TLR5: variants seen among roughly 807,000 people sequenced by gnomAD.
TLR5 encodes toll like receptor 5.
For synonymous variants in TLR5, 373 were observed against 384.4 expected (o/e 0.97, Z 0.35); for missense variants, 944 against 999.8 (o/e 0.94, Z 0.75).
chr1:223,115,924 G>A (rs760169775), intron 5 of TLR5, among the ~76,000 whole-genome samples: 7 of 152,166 alleles, frequency 4.6e-5, no homozygotes, highest in South Asian at 4.1e-4. Context: ...CACATGGTAC[G>A]CATTCCAAAC....
chr1:223,113,307 G>A (rs1656465543), intron 5 of TLR5, among the ~76,000 whole-genome samples: 1 of 152,096 alleles, frequency 6.6e-6, no homozygotes, highest in South Asian at 2.1e-4. Context: ...CCGGGTTCAA[G>A]CCATCCTTCC....
chr1:223,111,548 C>G lies in TLR5; in HGVS notation c.1484G>C (p.Trp495Ser). Residue 495 changes from tryptophan to serine, a missense_variant, in exon 6 of 6, where the codon TGG (tryptophan) becomes TCG (serine). Coordinates refer to ENST00000642603, the MANE Select transcript of TLR5 (RefSeq NM_003268.6). ...ATGAGAAAGTCCCTCAAAAACATCC[C>G]AACAGAGCTCAGTTTCCCAGGCAAG... ...LQLAWETELC[W>S]DVFEGLSHLQ... 6.2e-7 allele frequency: 1 copy of G among 1,614,110 alleles called. No individual in the cohort carries two copies. The highest frequency in any genetic ancestry group is 8.5e-7 in the Non-Finnish European group (1 of 1,180,026).
At position 223,110,657 on chromosome 1, in the gene TLR5, A is replaced by G. The variant is rs368649518; in HGVS notation, c.2375T>C (p.Val792Ala). The G allele has an allele frequency of 1.2e-6, 2 of 1,614,184 alleles. No individual in the cohort carries two copies. Among genetic ancestry groups the G allele is most frequent in the Non-Finnish European group, 1.7e-6 (2 of 1,180,018 alleles). ...DLNSALIMVV[V>A]GSLSQYQLMK... ...CAACTGGTACTGGGACAAGGACCCA[A>G]CCACCACCATGATGAGAGCACTGTT... is the stretch of plus-strand genomic sequence containing the variant. The change falls in exon 6 of 6, where the codon GTT becomes GCT. Residue 792 changes from valine to alanine, a missense_variant. Val to Ala is a moderately conservative substitution (Grantham distance 64). Coordinates refer to ENST00000642603, the MANE Select transcript of TLR5 (RefSeq NM_003268.6).
intron 1 of TLR5, among the ~76,000 whole-genome samples, chr1:223,142,742 T>C (rs1657933943): frequency 6.6e-6 from 1 of 152,280 alleles, no homozygotes; most frequent in Admixed American, 6.5e-5. Flanking sequence ...TCAGTGACTT[T>C]CTGGGATTTC....
At chr1:223,119,991 AT>A (rs150747494) in intron 5 of TLR5, among the ~76,000 whole-genome samples, 1 of 20,980 alleles carries the variant, frequency 4.8e-5, no homozygotes, top group Non-Finnish European at 8.9e-5. Context: ...ATAAAATAAA[AT>A]AAAATAAAAT....
rs2102852422 is a variant in TLR5 at position 223,109,640 on chromosome 1, A to G, written c.*815T>C. ...GCAAGGGCATACCAAGGCCAAGGTT[A>G]CATGGCTAATACACAGCTGACTCAG... On this transcript the variant is annotated 3_prime_UTR_variant, in exon 6 of 6. Transcript: ENST00000642603. The G allele has an allele frequency of 6.6e-6, 1 of 152,404 alleles. No homozygotes were observed. Among genetic ancestry groups the G allele is most frequent in the Middle Eastern group, 3.4e-3 (1 of 294 alleles). The allele number at this position is 152,404 out of a possible 1,614,324, so 9.4% of individuals were successfully genotyped here.
rs756496373 is a variant in TLR5, at chr1:223,112,230, C to T, written c.802G>A (p.Gly268Arg). ...TCTTTGATGTTATGGAAGCCAAACC[C>T]GGCACCCATGATGTGGTGGGCAAGA... The part of the protein sequence containing the change: ...LILAHHIMGA[G>R]FGFHNIKDPD... Residue 268 changes from glycine to arginine, a missense_variant, in exon 6 of 6, where the codon GGG becomes AGG. Coordinates refer to ENST00000642603, the MANE Select transcript of TLR5 (RefSeq NM_003268.6). The T allele has an allele frequency of 2.4e-5, 38 of 1,614,016 alleles. No homozygotes were observed. The highest frequency in any genetic ancestry group is 1.2e-4 in the South Asian group (11 of 91,076).
chr1:223,115,956 C>T (rs546150334), intron 5 of TLR5, among the ~76,000 whole-genome samples: 4 of 152,308 alleles, frequency 2.6e-5, no homozygotes, highest in Non-Finnish European at 5.9e-5. Context: ...TCAGGACCTT[C>T]GCAAGTGCTG....
intron 5 of TLR5, chr1:223,123,389 A>C (rs921403866): frequency 6.6e-6 from 1 of 152,212 alleles, no homozygotes; most frequent in Non-Finnish European, 1.5e-5. Context: ...AGGATACTGA[A>C]TTTTCAAGTA....
At chr1:223,116,381 A>C (rs986865164) in intron 5 of TLR5, among the ~76,000 whole-genome samples, 3 of 151,974 alleles carry the variant, frequency 2.0e-5, no homozygotes, top group African/African-American at 7.3e-5. Context: ...TACAGCTCTT[A>C]AGGTGGCGCG....
At chr1:223,119,063 C>CA (rs1465433519) in intron 5 of TLR5, among the ~76,000 whole-genome samples, 2 of 152,002 alleles carry the variant, frequency 1.3e-5, no homozygotes, top group South Asian at 4.1e-4. Flanking sequence ...GAGCTTGTGC[C>CA]ATTGCACTCC....
chr1:223,127,712 G>A (rs762390853), intron 5 of TLR5: 1 of 152,382 alleles, frequency 6.6e-6, no homozygotes, highest in Non-Finnish European at 1.5e-5. Context: ...TGAAAGCTCT[G>A]CTGGAGTGAT....
rs1464313219 is a variant in TLR5, at chr1:223,141,756, G to A, written c.-547C>T. The A allele has an allele frequency of 7.0e-6, 1 of 142,174 alleles. No individual in the cohort carries two copies. Among genetic ancestry groups the A allele is most frequent in the East Asian group, 2.1e-4 (1 of 4,860 alleles). 8.8% of individuals were successfully genotyped at this position (142,174 alleles called of 1,614,324 possible). On this transcript the variant is annotated 5_prime_UTR_variant, in exon 2 of 6. Coordinates refer to ENST00000642603, the MANE Select transcript of TLR5 (RefSeq NM_003268.6). Reference sequence around the variant, plus strand: ...TCACTGCAGTCCAGCCTGGGCGGCAGAGTGAGACTGTCTCAAAAAAAAAAT... The same window carrying A: ...TCACTGCAGTCCAGCCTGGGCGGCAAAGTGAGACTGTCTCAAAAAAAAAAT...
rs1047875581 is a variant in TLR5, at chr1:223,113,086, T to C, written c.-4-51A>G. ...ACACAGGCATTTAAGCTCGAGGTAT[T>C]GCACTGGGGTCTTCAGATCTTGGGG... is the stretch of plus-strand genomic sequence containing the variant. On this transcript the variant is annotated intron_variant, in intron 5 of 5. Transcript: ENST00000642603. 2.6e-6 allele frequency: 4 copies of C among 1,561,506 alleles called. No homozygotes were observed. In the South Asian group the frequency reaches 3.4e-5, roughly 13 times the overall value.
intron 5 of TLR5, chr1:223,128,954 C>T (rs1657283046): frequency 1.3e-5 from 2 of 152,270 alleles, no homozygotes; most frequent in Non-Finnish European, 2.9e-5. Context: ...TCAAGACCCT[C>T]TGCCAGTGAC....
chr1:223,110,890 G>T lies in TLR5; in HGVS notation c.2142C>A (p.His714Gln). 6.2e-7 allele frequency: 1 copy of T among 1,614,244 alleles called. No homozygotes were observed. The stretch of plus-strand genomic sequence containing the variant: ...TTTGGTCACTGTATTGAGTGTCCAG[G>T]TGTTTGAGCAAAGCATTCTGCACCC... Reference protein sequence around the residue: ...FTWVQNALLKHLDTQYSDQNR... With the variant: ...FTWVQNALLKQLDTQYSDQNR... The change falls in exon 6 of 6, where the codon CAC (histidine) becomes CAA (glutamine). Residue 714 changes from histidine (H) to glutamine (Q), a missense_variant. By Grantham distance (24) the His-to-Gln change is conservative. Transcript: ENST00000642603.
At chr1:223,124,241 C>T (rs1035706368) in intron 5 of TLR5, among the ~76,000 whole-genome samples, 7 of 152,164 alleles carry the variant, frequency 4.6e-5, no homozygotes, top group African/African-American at 1.4e-4. Flanking sequence ...GTCAGGAGTT[C>T]GAGACCAGTC....
At chr1:223,116,440 G>C (rs1467912554) in intron 5 of TLR5, among the ~76,000 whole-genome samples, 1 of 152,046 alleles carries the variant, frequency 6.6e-6, no homozygotes, top group African/African-American at 2.4e-5. Flanking sequence ...TCCTCCCTGT[G>C]GGTTCATGGT....
intron 5 of TLR5, among the ~76,000 whole-genome samples, chr1:223,124,466 GA>G (rs200329381): frequency 5.4e-5 from 8 of 147,228 alleles, no homozygotes; most frequent in Admixed American, 2.0e-4. Flanking sequence ...AAAAGAAAAA[GA>G]AAAAAAAAGG....
Sources: allele counts gnomAD v4.1 joint callset (sites outside exome capture counted in the v4.1 genomes callset), GRCh38; gene constraint gnomAD v4.1.1; transcripts MANE v1.5; gene names NCBI Gene and HGNC (gene_info 2026-07-23, HGNC 2026-07-21).